Variants in TEC observed in about 807,000 individuals in gnomAD.
TEC encodes the protein tec protein tyrosine kinase.
Under a neutral mutation model 93.0 loss-of-function variants are expected in TEC, and 72 were observed. That is an observed-to-expected ratio of 0.77 (90% confidence interval 0.64 to 0.94). TEC has a LOEUF of 0.94. Ranked by LOEUF, TEC falls within the 40% of genes least tolerant of loss-of-function variation. TEC has a pLI of 0.00. For missense variants in TEC, 630 were observed against 757.9 expected (o/e 0.83, Z 1.98); for synonymous variants, 249 against 247.7 (o/e 1.01, Z -0.05).
chr4:48,189,977 T>C (rs1722034738), intron 2 of TEC, among the ~76,000 whole-genome samples: 1 of 152,172 alleles, frequency 6.6e-6, no homozygotes, highest in Non-Finnish European at 1.5e-5. Flanking sequence ...TCCCTGGCCA[T>C]ATCTAGTATA....
rs946299027 is a variant in TEC, at chr4:48,136,038, G to A, written c.*1378C>T. The A allele has an allele frequency of 6.6e-6, 1 of 152,186 alleles. No individual in the cohort carries two copies. Among genetic ancestry groups the A allele is most frequent in the Admixed American group, 6.5e-5 (1 of 15,286 alleles). The allele number at this position is 152,186 out of a possible 1,614,324, so 9.4% of individuals were successfully genotyped here. Reference sequence around the variant, plus strand: ...GAAGGGAAGGCGCTGTGTCTTCCTCGGCTAGTTACCCCACCAACAGCAAGA... The same window carrying A: ...GAAGGGAAGGCGCTGTGTCTTCCTCAGCTAGTTACCCCACCAACAGCAAGA... On this transcript the variant is annotated 3_prime_UTR_variant, in exon 18 of 18. Coordinates refer to ENST00000381501, the MANE Select transcript of TEC (RefSeq NM_003215.3).
intron 2 of TEC, among the ~76,000 whole-genome samples, chr4:48,193,597 G>T (rs1722169705): frequency 6.6e-6 from 1 of 151,832 alleles, no homozygotes; most frequent in Non-Finnish European, 1.5e-5. Context: ...CTTTTGGCCT[G>T]TTTTTTTGTT....
At chr4:48,177,659 T>C (rs766952580) in intron 2 of TEC, among the ~76,000 whole-genome samples, 1 of 152,154 alleles carries the variant, frequency 6.6e-6, no homozygotes, top group Non-Finnish European at 1.5e-5. Context: ...CACACCCCCT[T>C]GACACTTGAT....
At chr4:48,256,228 C>CAG (rs1724339343) in intron 1 of TEC, among the ~76,000 whole-genome samples, 2 of 152,000 alleles carry the variant, frequency 1.3e-5, no homozygotes, top group African/African-American at 2.4e-5. Flanking sequence ...GCCATGGGAC[C>CAG]AACTACCAGA....
chr4:48,267,818 G>GT, intron 1 of TEC, among the ~76,000 whole-genome samples: 1 of 152,304 alleles, frequency 6.6e-6, no homozygotes, highest in South Asian at 2.1e-4. Context: ...TTGTCTAGGG[G>GT]TAAGAATCTG....
chr4:48,254,464 T>C (rs1478087531), intron 1 of TEC, among the ~76,000 whole-genome samples: 1 of 152,122 alleles, frequency 6.6e-6, no homozygotes, highest in Non-Finnish European at 1.5e-5. Flanking sequence ...AGTGGAACAA[T>C]GCTCTCAAAG....
chr4:48,179,376 A>ATAT (rs1560393438), intron 2 of TEC, among the ~76,000 whole-genome samples: 10 of 21,160 alleles, frequency 4.7e-4, no homozygotes, highest in East Asian at 1.7e-3. Flanking sequence ...ATATATATAT[A>ATAT]TTTTTTTTTT....
chr4:48,169,253 T>G (rs964106015), intron 5 of TEC, among the ~76,000 whole-genome samples: 1 of 152,160 alleles, frequency 6.6e-6, no homozygotes, highest in East Asian at 1.9e-4. Context: ...TCACCCACCT[T>G]TCACCTCTGG....
intron 2 of TEC, among the ~76,000 whole-genome samples, chr4:48,220,457 A>C (rs1357540276): frequency 8.6e-5 from 13 of 151,790 alleles, no homozygotes; most frequent in Admixed American, 6.6e-4. Context: ...TCTCACTCTG[A>C]GTTCATGTGA....
At chr4:48,220,053 T>TTGGTTCACAACATACATTTATGTCA (rs539170805) in intron 2 of TEC, among the ~76,000 whole-genome samples, 2,970 of 151,630 alleles carry the variant, frequency 0.02, 49 homozygotes, top group East Asian at 0.068. Context: ...TCTGATTGTC[T>TTGGTTCACAACATACATTTATGTCA]TGGTTCACAA....
chr4:48,233,723 C>A (rs75962184), intron 1 of TEC, among the ~76,000 whole-genome samples: 21,432 of 149,594 alleles, frequency 0.14, 2,074 homozygotes, highest in Non-Finnish European at 0.21. Context: ...AGAAATAGAG[C>A]CAAAAAAACA....
chr4:48,239,000 T>C (rs1392805774), intron 1 of TEC, among the ~76,000 whole-genome samples: 1 of 152,206 alleles, frequency 6.6e-6, no homozygotes, highest in Non-Finnish European at 1.5e-5. Flanking sequence ...TCACTTACTT[T>C]GTGAGAGACA....
At chr4:48,153,111 A>G (rs554656824) in intron 9 of TEC, among the ~76,000 whole-genome samples, 2 of 152,250 alleles carry the variant, frequency 1.3e-5, no homozygotes, top group African/African-American at 4.8e-5. Context: ...AGGTATAGCA[A>G]TTTCAGCACA....
In TEC at chr4:48,152,298, C is replaced by T. The variant is rs939992306; in HGVS notation, c.793-1356G>A. Reference sequence around the variant, plus strand: ...CCATCTTTACTAAAAATTAGCCAGGCGTGGTGGTGCGCGCCTGTAATCTCA... The same window carrying T: ...CCATCTTTACTAAAAATTAGCCAGGTGTGGTGGTGCGCGCCTGTAATCTCA... On this transcript the variant is annotated intron_variant, in intron 9 of 17. Transcript: ENST00000381501. Among the ~76,000 whole-genome samples, 10 of 151,980 alleles carry T rather than the reference C, an allele frequency of 6.6e-5. No individual in the cohort carries two copies. In the East Asian group the frequency reaches 1.4e-3, roughly 21 times the overall value.
intron 2 of TEC, among the ~76,000 whole-genome samples, chr4:48,186,192 G>C (rs1721834145): frequency 6.6e-6 from 1 of 152,200 alleles, no homozygotes; most frequent in Non-Finnish European, 1.5e-5. Flanking sequence ...GCAGTGGCGT[G>C]ATCTCGGCTC....
intron 1 of TEC, among the ~76,000 whole-genome samples, chr4:48,248,214 G>A (rs771964648): frequency 2.6e-5 from 4 of 152,184 alleles, no homozygotes; most frequent in Non-Finnish European, 5.9e-5. Context: ...ATAATTAGTG[G>A]TGTACAAATA....
intron 1 of TEC, among the ~76,000 whole-genome samples, chr4:48,232,310 CA>C (rs59709229): frequency 0.35 from 51,502 of 147,968 alleles, 9,822 homozygotes; most frequent in African/African-American, 0.53. Flanking sequence ...AAAAACAAAA[CA>C]AAAAAAAAAC....
Position 48,137,432 on chromosome 4 carries a change from T to C in TEC, c.1880A>G (p.Glu627Gly), listed in dbSNP as rs373626137. ...ACACATCACTTATCTTCCAAAAGTTTCTTCACATTCAACTAGTTCATCTAT... is the reference window on the plus strand; with the variant it reads ...ACACATCACTTATCTTCCAAAAGTTCCTTCACATTCAACTAGTTCATCTAT... Reference protein sequence around the residue: ...RTIDELVECEETFGR With the variant: ...RTIDELVECEGTFGR Residue 627 changes from glutamate to glycine, a missense_variant, in exon 18 of 18, where the codon GAA (glutamate) becomes GGA (glycine). Physicochemically the swap from Glu to Gly is moderately conservative, Grantham distance 98. This residue lies in a region of TEC where 289 missense variants were observed against 390.0 expected (regional missense o/e 0.74). Transcript: ENST00000381501. The C allele has an allele frequency of 6.2e-6, 10 of 1,614,032 alleles. No individual in the cohort carries two copies. The Admixed American group carries it at 8.3e-5, about 13-fold the overall frequency.
intron 1 of TEC, among the ~76,000 whole-genome samples, chr4:48,240,969 G>A (rs767197785): frequency 2.0e-5 from 3 of 151,858 alleles, no homozygotes; most frequent in Non-Finnish European, 4.4e-5. Flanking sequence ...AAAAAAAACT[G>A]TTAAAAACAC....
Sources: allele counts gnomAD v4.1 joint callset (sites outside exome capture counted in the v4.1 genomes callset), GRCh38; gene constraint gnomAD v4.1.1; regional missense constraint gnomAD v4.1.1; transcripts MANE v1.5; gene names NCBI Gene and HGNC (gene_info 2026-07-23, HGNC 2026-07-21).